The following LRRC71 variants were observed in gnomAD, a reference collection of about 807,000 sequenced individuals.
The protein encoded by LRRC71 is leucine-rich repeat-containing protein 71.
In LRRC71, 54 loss-of-function variants were observed where a neutral mutation model predicts 66.6. The ratio of observed to expected loss-of-function variants is 0.81; its 90% CI spans 0.65 to 1.02. The LOEUF is 1.02. LRRC71 is among the 50% of genes least tolerant of loss of function. LRRC71 has a pLI of 0.00. For missense variants in LRRC71, 724 were observed against 718.0 expected (o/e 1.01, Z -0.10); for synonymous variants, 323 against 303.9 (o/e 1.06, Z -0.65).
rs1553273362 is a variant in LRRC71 at position 156,921,760 on chromosome 1, C to CACACACAG, written c.160+800_160+801insCACAGACA. On this transcript the variant is annotated intron_variant, in intron 1 of 14. Coordinates refer to ENST00000337428, the MANE Select transcript of LRRC71 (RefSeq NM_144702.3). Reference sequence around the variant, plus strand: ...ACACACACACACACACACACACACACACAGACATGGCTGCTGTATAGAATA... The same window carrying CACACACAG: ...ACACACACACACACACACACACACACACACACAGACAGACATGGCTGCTGTATAGAATA... 6.6e-6 allele frequency: 3 copies of CACACACAG among 453,640 alleles called. No homozygotes were observed. In the African/African-American group the frequency reaches 6.7e-5, roughly 10 times the overall value. The allele number at this position is 453,640 out of a possible 1,614,324, so 28.1% of individuals were successfully genotyped here.
At chr1:156,928,337 T>TTTCTC (rs2101628976) in intron 9 of LRRC71, among the ~76,000 whole-genome samples, 1 of 152,112 alleles carries the variant, frequency 6.6e-6, no homozygotes, top group African/African-American at 2.4e-5. Context: ...TTCTTTTTTC[T>TTTCTC]TTCTTCTTTC....
chr1:156,923,270 T>C (rs1394386054), intron 1 of LRRC71, among the ~76,000 whole-genome samples: 1 of 152,202 alleles, frequency 6.6e-6, no homozygotes, highest in African/African-American at 2.4e-5. Flanking sequence ...CACTTCTTCC[T>C]GGGATGCCTA....
At chr1:156,933,326 A>G (rs1357542352), downstream of LRRC71, among the ~76,000 whole-genome samples, 2 of 152,184 alleles carry the variant, frequency 1.3e-5, no homozygotes, top group African/African-American at 4.8e-5. Context: ...GGGGACATGC[A>G]TTATGCCAGG....
In LRRC71 at chr1:156,929,656, G is replaced by T. The variant is rs1313726982; in HGVS notation, c.1167G>T (p.Glu389Asp). 5.0e-6 allele frequency: 8 copies of T among 1,587,206 alleles called. No individual in the cohort carries two copies. The highest frequency in any genetic ancestry group is 6.9e-6 in the Non-Finnish European group (8 of 1,166,840). The part of the protein sequence containing the change: ...EKSWELAKKE[E>D]KLGSGQSPTQ... ...CACAGGAATTGGCCAAGAAAGAGGAGAAGTTGGGGTCTGGGCAGTCACCCA... is the reference window on the plus strand; with the variant it reads ...CACAGGAATTGGCCAAGAAAGAGGATAAGTTGGGGTCTGGGCAGTCACCCA... Residue 389 changes from glutamate to aspartate, a missense_variant, in exon 11 of 15, where the codon GAG becomes GAT. By Grantham distance (45) the Glu-to-Asp change is conservative. Transcript: ENST00000337428.
In LRRC71 at chr1:156,927,878, C is replaced by T. The variant is rs6685170; in HGVS notation, c.907-37C>T. 117 of 1,610,382 alleles carry T rather than the reference C, an allele frequency of 7.3e-5. No homozygotes were observed. In the African/African-American group the frequency reaches 1.3e-3, roughly 18 times the overall value. ...GGGCCGAGGGAGCCGACCCTGACTA[C>T]CCAGGCGTCCGACCGCTGAGCGCCC... is the stretch of plus-strand genomic sequence containing the variant. On this transcript the variant is annotated intron_variant, in intron 8 of 14. Transcript: ENST00000337428.
At position 156,930,555 on chromosome 1, in the gene LRRC71, A is replaced by G. The variant is rs1321607298; in HGVS notation, c.1267A>G (p.Ser423Gly). The G allele has an allele frequency of 6.4e-7, 1 of 1,567,984 alleles. No individual in the cohort carries two copies. Among genetic ancestry groups the G allele is most frequent in the Admixed American group, 1.9e-5 (1 of 53,076 alleles). Reference protein sequence around the residue: ...GKVTIPEQKPSRAKGIKIGSR... With the variant: ...GKVTIPEQKPGRAKGIKIGSR... ...GGTAACCATCCCTGAACAGAAGCCA[A>G]GCAGGGCAAAAGGGATCAAGATCGG... The change falls in exon 12 of 15, where the codon AGC (serine) becomes GGC (glycine). Residue 423 changes from serine to glycine, a missense_variant. Coordinates refer to ENST00000337428, the MANE Select transcript of LRRC71 (RefSeq NM_144702.3).
In LRRC71 at chr1:156,927,777, C is replaced by CA; in HGVS notation, c.869dup (p.Asn290LysfsTer13). On this transcript the variant is annotated frameshift_variant, in exon 8 of 15. Coordinates refer to ENST00000337428, the MANE Select transcript of LRRC71 (RefSeq NM_144702.3). LOFTEE classifies it high-confidence loss of function. ...CCCTGCTCTGGCTGTCCCTGGCCCACAACCGCATCCAGGACAAGGGCGCCC... is the reference window on the plus strand; with the variant it reads ...CCCTGCTCTGGCTGTCCCTGGCCCACAAACCGCATCCAGGACAAGGGCGCCC... 1.2e-6 allele frequency: 2 copies of CA among 1,612,628 alleles called. No individual in the cohort carries two copies. Among genetic ancestry groups the CA allele is most frequent in the Admixed American group, 3.3e-5 (2 of 60,028 alleles).
chr1:156,939,861 G>A, the LRRC71 span: 3 of 1,610,922 alleles, frequency 1.9e-6, no homozygotes, highest in Non-Finnish European at 2.5e-6. Context: ...GAGTTTCCAT[G>A]GTGTGACCTG....
At chr1:156,927,688 G>T (rs1376589936) in intron 7 of LRRC71, 33 bp downstream of exon 7, 8 of 1,606,474 alleles carry the variant, frequency 5.0e-6, no homozygotes, top group Non-Finnish European at 6.8e-6. Flanking sequence ...CCTGCTGGGA[G>T]CAGGGGCGGC....
At chr1:156,932,774 C>T in intron 14 of LRRC71, 79 bp from the exon 15 acceptor site, 1 of 1,474,572 alleles carries the variant, frequency 6.8e-7, no homozygotes, top group Non-Finnish European at 9.2e-7. Flanking sequence ...CCACCCTGCC[C>T]CAGGACCATT....
chr1:156,929,147 T>G, intron 9 of LRRC71, 133 bp from the exon 10 acceptor site: 1 of 1,049,204 alleles, frequency 9.5e-7, no homozygotes, highest in Non-Finnish European at 1.3e-6. Context: ...ATTTTAGCAT[T>G]TAGGCAGGGA....
chr1:156,924,706 T>C lies in LRRC71; in HGVS notation c.503T>C (p.Leu168Pro). Residue 168 changes from leucine to proline, a missense_variant, in exon 4 of 15, where the codon CTA becomes CCA. Physicochemically the swap from Leu to Pro is moderately conservative, Grantham distance 98 (BLOSUM62 -3). Transcript: ENST00000337428. ...AAATGTCTGCCCCCGCTTACCCAGC[T>C]ACAGGCCATCAAGTGAGAGGCACTG... is the stretch of plus-strand genomic sequence containing the variant. Reference protein sequence around the residue: ...FSKCLPPLTQLQAINLWKVGL... With the variant: ...FSKCLPPLTQPQAINLWKVGL... 6.4e-7 allele frequency: 1 copy of C among 1,551,622 alleles called. No homozygotes were observed. Among genetic ancestry groups the C allele is most frequent in the Non-Finnish European group, 8.7e-7 (1 of 1,146,984 alleles).
chr1:156,925,199 C>T lies in LRRC71; in HGVS notation c.593+184C>T, dbSNP rs747241930. The stretch of plus-strand genomic sequence containing the variant: ...CCTCCATTAGACAAGAAGCCAGGTC[C>T]GCTTTTCTGCCCACACCAGCACCCA... On this transcript the variant is annotated intron_variant, in intron 5 of 14. Coordinates refer to ENST00000337428, the MANE Select transcript of LRRC71 (RefSeq NM_144702.3). Among the ~76,000 whole-genome samples, 6 of 152,138 alleles carry T rather than the reference C, an allele frequency of 3.9e-5. No individual in the cohort carries two copies. The South Asian group carries it at 1.2e-3, about 32-fold the overall frequency.
the LRRC71 span, chr1:156,939,223 G>T: frequency 2.8e-6 from 1 of 351,702 alleles, no homozygotes; most frequent in Non-Finnish European, 5.3e-6. Context: ...TCAGTGAGGA[G>T]CACTAACAGA....
intron 8 of LRRC71, 43 bp downstream of exon 8, chr1:156,927,859 A>G: frequency 6.2e-7 from 1 of 1,611,218 alleles, no homozygotes; most frequent in Non-Finnish European, 8.5e-7. Flanking sequence ...GGGCGGGCCG[A>G]GGGAGCCGAC....
At chr1:156,924,269 C>T (rs1195816424) in intron 2 of LRRC71, among the ~76,000 whole-genome samples, 155 bp from the exon 3 acceptor site, 1 of 152,154 alleles carries the variant, frequency 6.6e-6, no homozygotes, top group African/African-American at 2.4e-5. Flanking sequence ...TCCTTTCCAA[C>T]CCAGCAGAGG....
Position 156,930,581 on chromosome 1 carries a change from G to C in LRRC71, c.1293G>C (p.Gly431=), listed in dbSNP as rs1318104692. ...GCAGGGCAAAAGGGATCAAGATCGG[G>C]AGCAGAGAGAAGCGCAGCATCCTCC... ...KPSRAKGIKI[G]SREKRSILLE... Residue 431 remains glycine (G), a synonymous_variant, in exon 12 of 15, where the codon GGG becomes GGC. Transcript: ENST00000337428. 6.4e-7 allele frequency: 1 copy of C among 1,569,390 alleles called. No homozygotes were observed. Among genetic ancestry groups the C allele is most frequent in the East Asian group, 2.4e-5 (1 of 42,194 alleles).
At chr1:156,937,119 G>T, downstream of LRRC71, 1 of 1,565,314 alleles carries the variant, frequency 6.4e-7, no homozygotes, top group Non-Finnish European at 8.7e-7. Flanking sequence ...GTGGCTGGGC[G>T]GGCTGGGGGA....
Position 156,924,625 on chromosome 1 carries a change from C to T in LRRC71, c.440-18C>T. The T allele has an allele frequency of 6.4e-7, 1 of 1,551,614 alleles. No homozygotes were observed. Among genetic ancestry groups the T allele is most frequent in the Non-Finnish European group, 8.7e-7 (1 of 1,146,936 alleles). ...GAGCCTCCCAGGTCTGAGGCACCTG[C>T]CTCCTCTTGGCCCGCAGGTTGGAAG... On this transcript the variant is annotated intron_variant, in intron 3 of 14. Coordinates refer to ENST00000337428, the MANE Select transcript of LRRC71 (RefSeq NM_144702.3).
Sources: gnomAD v4.1 joint callset for allele counts (sites outside exome capture counted in the v4.1 genomes callset) on GRCh38, gnomAD v4.1.1 for gene constraint, MANE v1.5 for transcripts, NCBI Gene and HGNC (gene_info 2026-07-23, HGNC 2026-07-21) for gene names.